The following ATRX variants were observed in gnomAD, a reference collection of about 807,000 sequenced individuals.
ATRX encodes chromatin remodeler ATRX.
Under a neutral mutation model 172.6 loss-of-function variants are expected in ATRX, and 12 were observed. The ratio of observed to expected loss-of-function variants is 0.07; its 90% CI spans 0.04 to 0.11. The LOEUF is 0.11. Ranked by LOEUF, ATRX falls within the 10% of genes least tolerant of loss-of-function variation. ATRX has a pLI of 1.00. For missense variants in ATRX, 1,368 were observed against 1,767.4 expected (o/e 0.77, Z 4.05); for synonymous variants, 674 against 594.7 (o/e 1.13, Z -1.94).
At chrX:77,684,835 G>T in intron 8 of ATRX, 104 bp downstream of exon 8, 1 of 804,127 alleles carries the variant, frequency 1.2e-6, no homozygotes, top group Non-Finnish European at 1.9e-6. Flanking sequence ...TTTCATTAAA[G>T]ACATCAATGA....
intron 6 of ATRX, 75 bp from the exon 7 acceptor site, chrX:77,689,002 A>G: frequency 2.5e-6 from 2 of 804,856 alleles, no homozygotes; most frequent in Non-Finnish European, 3.8e-6. Context: ...GCATTTTGTA[A>G]CTTTTGTATT....
intron 30 of ATRX, among the ~76,000 whole-genome samples, chrX:77,528,916 G>A (rs902012738): frequency 8.9e-6 from 1 of 111,899 alleles, no homozygotes; most frequent in Admixed American, 9.5e-5. Context: ...TAAGAATCAC[G>A]ATAAAACAAT....
At chrX:77,686,264 A>T (rs1557143826) in intron 7 of ATRX, among the ~76,000 whole-genome samples, 1 of 112,470 alleles carries the variant, frequency 8.9e-6, no homozygotes, top group Non-Finnish European at 1.9e-5. Context: ...ATTTTCCACA[A>T]TGTGCTTATT....
At chrX:77,618,072 T>TA (rs1183341335) in intron 21 of ATRX, among the ~76,000 whole-genome samples, 1 of 111,454 alleles carries the variant, frequency 9.0e-6, no homozygotes, top group African/African-American at 3.3e-5. Context: ...ATCTATTTTT[T>TA]AAAAAAATAT....
At chrX:77,579,736 A>ACT (rs781912987) in intron 27 of ATRX, among the ~76,000 whole-genome samples, 4 of 111,292 alleles carry the variant, frequency 3.6e-5, no homozygotes, top group Non-Finnish European at 7.5e-5. Flanking sequence ...TAAATACCTA[A>ACT]CTCTTCAATG....
chrX:77,651,853 C>T lies in ATRX; in HGVS notation c.4557+261G>A, dbSNP rs1333030088. 4 of 342,003 alleles carry T rather than the reference C, an allele frequency of 1.2e-5. No homozygotes were observed. In the South Asian group the frequency reaches 1.8e-4, roughly 15 times the overall value. The allele number at this position is 342,003 out of a possible 1,213,427, so 28.2% of individuals were successfully genotyped here. A position where few individuals can be genotyped will look rare whatever the true frequency, so the allele number is the denominator to read the frequency against. On this transcript the variant is annotated intron_variant, in intron 15 of 34. Coordinates refer to ENST00000373344, the MANE Select transcript of ATRX (RefSeq NM_000489.6). ...CAGCCTGGGTAACAGAGCCAGACTC[C>T]GTCTAAAAAAAAGAAATCTGTGGTA...
At chrX:77,628,797 T>C (rs2067987380) in intron 19 of ATRX, among the ~76,000 whole-genome samples, 1 of 111,377 alleles carries the variant, frequency 9.0e-6, no homozygotes, top group African/African-American at 3.3e-5. Flanking sequence ...TTTGTAGATA[T>C]GGGGTCTCAC....
chrX:77,658,061 A>C (rs1362743828), intron 12 of ATRX, among the ~76,000 whole-genome samples: 6 of 110,621 alleles, frequency 5.4e-5, no homozygotes, highest in African/African-American at 1.6e-4. Context: ...AAATTTAAAA[A>C]TTAGCCAGGC....
chrX:77,776,554 T>C (rs782033365), intron 1 of ATRX, among the ~76,000 whole-genome samples: 1 of 112,083 alleles, frequency 8.9e-6, no homozygotes, highest in East Asian at 2.8e-4. Context: ...CATTCAAAAA[T>C]TTCATCAGTG....
chrX:77,549,254 G>A (rs1021065029), intron 30 of ATRX, among the ~76,000 whole-genome samples: 7 of 111,101 alleles, frequency 6.3e-5, no homozygotes, highest in African/African-American at 2.3e-4. Flanking sequence ...GCGTGGTGGC[G>A]CATGCCTGTA....
chrX:77,738,084 C>T (rs1232478842), intron 1 of ATRX, among the ~76,000 whole-genome samples: 2 of 110,946 alleles, frequency 1.8e-5, no homozygotes, highest in Non-Finnish European at 3.8e-5. Context: ...CCTATAATCC[C>T]AGCACTTAGG....
At chrX:77,727,654 G>T (rs2074108948) in intron 1 of ATRX, among the ~76,000 whole-genome samples, 1 of 106,485 alleles carries the variant, frequency 9.4e-6, no homozygotes, top group African/African-American at 3.4e-5. Flanking sequence ...GCACAAGGAG[G>T]GGAACATCAC....
Position 77,520,183 on chromosome X carries a change from A to AT in ATRX, c.7200+604dup, listed in dbSNP as rs781998059. On this transcript the variant is annotated intron_variant, in intron 34 of 34. Coordinates refer to ENST00000373344, the MANE Select transcript of ATRX (RefSeq NM_000489.6). ...GAGAAGGGTAGCAGGGAGTGGGGTA[A>AT]TGGGGGATGGTTAATAGGTACAAAA... is the stretch of plus-strand genomic sequence containing the variant. Among the ~76,000 whole-genome samples the AT allele has an allele frequency of 3.6e-5, 4 of 111,429 alleles. No homozygotes were observed. The South Asian group carries it at 1.5e-3, about 42-fold the overall frequency.
At chrX:77,740,053 CAAAAAA>C (rs781860181) in intron 1 of ATRX, among the ~76,000 whole-genome samples, 1 of 47,053 alleles carries the variant, frequency 2.1e-5, no homozygotes, top group East Asian at 5.4e-4. Context: ...AACTCCATCC[CAAAAAA>C]AAAAAAAAAA....
At chrX:77,706,803 G>A (rs1362102957) in intron 2 of ATRX, among the ~76,000 whole-genome samples, 1 of 111,073 alleles carries the variant, frequency 9.0e-6, no homozygotes, top group African/African-American at 3.3e-5. Context: ...CTACTTGGGA[G>A]GCTGAGATGG....
chrX:77,658,827 G>A (rs2069698435), intron 12 of ATRX, among the ~76,000 whole-genome samples: 1 of 111,631 alleles, frequency 9.0e-6, no homozygotes, highest in Admixed American at 9.5e-5. Flanking sequence ...TACTATGATA[G>A]GGTATTAAAT....
At position 77,530,564 on chromosome X, in the gene ATRX, G is replaced by A. The variant is rs936833389; in HGVS notation, c.6700-7163C>T. ...GCGGAGGTTGGAGTGAGCTGAGATC[G>A]TGCCATTGTATTCCAACCTGGGCAA... On this transcript the variant is annotated intron_variant, in intron 30 of 34. Transcript: ENST00000373344. 7.2e-5 allele frequency among the ~76,000 whole-genome samples: 8 copies of A among 111,471 alleles called. No individual in the cohort carries two copies. In the South Asian group the frequency reaches 1.5e-3, roughly 21 times the overall value.
intron 19 of ATRX, among the ~76,000 whole-genome samples, chrX:77,631,027 A>G: frequency 9.0e-6 from 1 of 110,848 alleles, no homozygotes; most frequent in Non-Finnish European, 1.9e-5. Context: ...AGGAACCATG[A>G]TGTCTTCAAG....
At chrX:77,592,609 T>C (rs782682542) in intron 26 of ATRX, among the ~76,000 whole-genome samples, 1 of 107,749 alleles carries the variant, frequency 9.3e-6, no homozygotes, top group South Asian at 4.1e-4. Context: ...GGTCAGGAGT[T>C]CGAGACCAGC....
Sources: gnomAD v4.1 joint callset for allele counts (sites outside exome capture counted in the v4.1 genomes callset) on GRCh38, gnomAD v4.1.1 for gene constraint, MANE v1.5 for transcripts, NCBI Gene and HGNC (gene_info 2026-07-23, HGNC 2026-07-21) for gene names.